The following SLC2A9 variants were observed in gnomAD, a reference collection of about 807,000 sequenced individuals.
SLC2A9 encodes the protein solute carrier family 2 member 9.
SLC2A9 carries 39 observed loss-of-function variants against 50.6 expected under a neutral mutation model. That is an observed-to-expected ratio of 0.77 (90% confidence interval 0.60 to 1.01). The LOEUF is 1.01. Among genes scored for constraint, SLC2A9 ranks in the 50% least tolerant of loss-of-function variants. The pLI is 0.00. For missense variants in SLC2A9, 686 were observed against 677.6 expected, an observed-to-expected ratio of 1.01 and a Z score of -0.14; for synonymous variants, 324 against 276.9, an observed-to-expected ratio of 1.17 and a Z score of -1.69.
At chr4:10,021,108 C>T (rs1296538264) in intron 1 of SLC2A9, among the ~76,000 whole-genome samples, 172 bp downstream of exon 1, 1 of 152,204 alleles carries the variant, frequency 6.6e-6, no homozygotes, top group Admixed American at 6.5e-5. Flanking sequence ...GAGAGCATGC[C>T]AAAGTCACAC....
intron 6 of SLC2A9, among the ~76,000 whole-genome samples, chr4:9,927,826 G>A (rs556585026): frequency 6.6e-5 from 10 of 152,302 alleles, no homozygotes; most frequent in East Asian, 3.9e-4. Flanking sequence ...GGGCTCCACC[G>A]TGTGGAGAAG....
chr4:9,782,450 G>T (rs763394332), intron 3 of SLC2A9: 1 of 1,613,988 alleles, frequency 6.2e-7, no homozygotes, highest in Non-Finnish European at 8.5e-7. Flanking sequence ...CCGCTACTGG[G>T]CCATCTCCAG....
At chr4:9,851,834 G>C (rs1235666498) in intron 10 of SLC2A9, among the ~76,000 whole-genome samples, 2 of 152,174 alleles carry the variant, frequency 1.3e-5, no homozygotes, top group Non-Finnish European at 2.9e-5. Flanking sequence ...AGAGCTTGAA[G>C]ACTGGTTCTC....
intron 5 of SLC2A9, among the ~76,000 whole-genome samples, chr4:9,970,842 T>G (rs924189511): frequency 6.6e-6 from 1 of 152,212 alleles, no homozygotes; most frequent in Non-Finnish European, 1.5e-5. Flanking sequence ...GGCCTGGGCC[T>G]GCCTGGCCTA....
chr4:10,039,038 TAA>T (rs1483379914), intron 1 of SLC2A9, among the ~76,000 whole-genome samples: 1 of 152,256 alleles, frequency 6.6e-6, no homozygotes, highest in African/African-American at 2.4e-5. Context: ...TGTGTTCCAG[TAA>T]AGCTTTATTT....
At chr4:9,990,782 C>A (rs1366095376) in intron 3 of SLC2A9, among the ~76,000 whole-genome samples, 1 of 152,192 alleles carries the variant, frequency 6.6e-6, no homozygotes, top group Non-Finnish European at 1.5e-5. Context: ...CCCAGGCTTT[C>A]TCCTTATGTC....
At chr4:10,019,187 C>T in intron 1 of SLC2A9, 114 bp from the exon 2 acceptor site, 1 of 859,456 alleles carries the variant, frequency 1.2e-6, no homozygotes, top group Non-Finnish European at 1.9e-6. Flanking sequence ...AAGTCTTTGT[C>T]CTTGGCTGGG....
intron 9 of SLC2A9, 46 bp from the exon 10 acceptor site, chr4:9,887,688 C>T (rs1560244098): frequency 4.3e-6 from 6 of 1,411,740 alleles, no homozygotes; most frequent in Non-Finnish European, 5.6e-6. Flanking sequence ...GATGGTGTGA[C>T]CGGAGGACCT....
chr4:9,790,764 C>T (rs1719813862), intron 3 of SLC2A9, among the ~76,000 whole-genome samples: 1 of 152,162 alleles, frequency 6.6e-6, no homozygotes, highest in African/African-American at 2.4e-5. Context: ...GCCTAAGCTT[C>T]ACTTTTTTAA....
intron 8 of SLC2A9, among the ~76,000 whole-genome samples, chr4:9,902,989 C>G (rs541322919): frequency 2.8e-4 from 42 of 152,284 alleles, no homozygotes; most frequent in African/African-American, 8.7e-4. Flanking sequence ...AGGCTTAGAT[C>G]TGTTATTATT....
intron 6 of SLC2A9, among the ~76,000 whole-genome samples, chr4:9,930,893 G>A (rs912401860): frequency 6.6e-6 from 1 of 152,198 alleles, no homozygotes; most frequent in African/African-American, 2.4e-5. Flanking sequence ...AAGGGACCCA[G>A]GCACTGGAGA....
chr4:9,880,927 T>C (rs1291145878), intron 10 of SLC2A9, among the ~76,000 whole-genome samples: 1 of 152,134 alleles, frequency 6.6e-6, no homozygotes, highest in Non-Finnish European at 1.5e-5. Flanking sequence ...CCCTGTGAAA[T>C]TCATGCACAC....
chr4:9,981,302 G>C (rs1159486056), intron 4 of SLC2A9, among the ~76,000 whole-genome samples: 5 of 151,926 alleles, frequency 3.3e-5, no homozygotes, highest in African/African-American at 4.8e-5. Context: ...TTATGATAGT[G>C]ATGGTGGCGA....
intron 8 of SLC2A9, among the ~76,000 whole-genome samples, chr4:9,892,074 T>A (rs1737567495): frequency 1.3e-5 from 2 of 152,140 alleles, no homozygotes; most frequent in Admixed American, 6.5e-5. Context: ...CCCTGCTCCT[T>A]AGAGGGAGGC....
chr4:9,998,114 C>A (rs534896469), intron 2 of SLC2A9, among the ~76,000 whole-genome samples: 1 of 152,170 alleles, frequency 6.6e-6, no homozygotes, highest in Non-Finnish European at 1.5e-5. Context: ...TCATCGCTGC[C>A]AATTCTGATT....
intron 3 of SLC2A9, among the ~76,000 whole-genome samples, chr4:9,784,371 C>T (rs1718940314): frequency 6.6e-6 from 1 of 152,068 alleles, no homozygotes; most frequent in Admixed American, 6.5e-5. Context: ...TTGAAAAGAT[C>T]ATGTAGAATA....
At chr4:9,994,157 C>T (rs1037126961) in intron 3 of SLC2A9, among the ~76,000 whole-genome samples, 3 of 152,210 alleles carry the variant, frequency 2.0e-5, no homozygotes, top group African/African-American at 7.2e-5. Context: ...CAAACACATG[C>T]AGATCTGAAC....
intron 1 of SLC2A9, among the ~76,000 whole-genome samples, chr4:9,771,828 C>T (rs562872842): frequency 1.5e-4 from 23 of 152,234 alleles, no homozygotes; most frequent in South Asian, 1.5e-3. Context: ...GCACTCACCC[C>T]CTTCAAGAAG....
chr4:9,838,630 C>A (rs773309186), intron 10 of SLC2A9, among the ~76,000 whole-genome samples: 37 of 152,134 alleles, frequency 2.4e-4, no homozygotes, highest in Non-Finnish European at 4.0e-4. Context: ...GTAACCAAAA[C>A]AGCATGGTAC....
Sources: allele counts gnomAD v4.1 joint callset (sites outside exome capture counted in the v4.1 genomes callset), GRCh38; gene constraint gnomAD v4.1.1; transcripts MANE v1.5; gene names NCBI Gene and HGNC (gene_info 2026-07-23, HGNC 2026-07-21).